Variants in HAL observed in about 807,000 individuals in gnomAD.
HAL encodes the protein histidase.
Under a neutral mutation model 81.1 loss-of-function variants are expected in HAL, and 85 were observed. The observed-to-expected ratio is 1.05, with a 90% CI of 0.88 to 1.25. HAL has a LOEUF of 1.25. HAL is among the 50% of genes most tolerant of loss of function. The pLI is 0.00. For missense variants in HAL, 798 were observed against 836.6 expected (o/e 0.95, Z 0.57); for synonymous variants, 301 against 309.2 (o/e 0.97, Z 0.28).
Position 95,987,452 on chromosome 12 carries a change from C to T in HAL, c.904-238G>A, listed in dbSNP as rs544322318. 8.9e-4 allele frequency among the ~76,000 whole-genome samples: 135 copies of T among 152,288 alleles called. 1 individual carries two copies. The highest frequency in any genetic ancestry group is 3.2e-3 in the African/African-American group (132 of 41,554). The stretch of plus-strand genomic sequence containing the variant: ...GGCAAATGAAACACTCATTAAGTAT[C>T]CACATTCCCAAAGCAGCAATGCAGC... On this transcript the variant is annotated intron_variant, in intron 11 of 20. Coordinates refer to ENST00000261208, the MANE Select transcript of HAL (RefSeq NM_002108.4).
chr12:95,980,561 G>A lies in HAL; in HGVS notation c.1514C>T (p.Ala505Val). 3 of 1,613,290 alleles carry A rather than the reference G, an allele frequency of 1.9e-6. No homozygotes were observed. Among genetic ancestry groups the A allele is most frequent in the Non-Finnish European group, 1.7e-6 (2 of 1,179,918 alleles). The part of the protein sequence containing the change: ...GFMIAHCTAA[A>V]LVSENKALCH... ...GAAAGGGGCAGTGTCCTTACCAAGG[G>A]CTGCTGCCGTGCAGTGAGCTATCAT... The change falls in exon 17 of 21, where the codon GCC (alanine) becomes GTC (valine). Residue 505 changes from alanine to valine, a missense_variant. By Grantham distance (64) the Ala-to-Val change is moderately conservative (BLOSUM62 0). Transcript: ENST00000261208.
At chr12:95,980,934 T>G (rs1162482501) in intron 15 of HAL, 71 bp from the exon 16 acceptor site, 2 of 897,644 alleles carry the variant, frequency 2.2e-6, no homozygotes, top group South Asian at 1.3e-5. Context: ...TCCTGCCTTC[T>G]TTTTTAACGT....
chr12:95,976,399 A>T, intron 20 of HAL, 30 bp downstream of exon 20: 1 of 1,576,576 alleles, frequency 6.3e-7, no homozygotes. Flanking sequence ...ACAATTAAAA[A>T]TTAAGAAACA....
intron 9 of HAL, among the ~76,000 whole-genome samples, chr12:95,991,610 C>T (rs559382855): frequency 6.6e-6 from 1 of 152,168 alleles, no homozygotes; most frequent in Non-Finnish European, 1.5e-5. Flanking sequence ...AATCAGATTC[C>T]TGACAGCAGC....
chr12:95,977,152 C>T (rs900723059), intron 18 of HAL, among the ~76,000 whole-genome samples: 4 of 152,142 alleles, frequency 2.6e-5, no homozygotes, highest in African/African-American at 4.8e-5. Flanking sequence ...CTTTACATCT[C>T]GTGGTTTCCA....
In HAL at chr12:95,973,481, G is replaced by A. The variant is rs2080678322; in HGVS notation, c.*751C>T. The A allele has an allele frequency of 6.6e-6, 1 of 152,176 alleles. No individual in the cohort carries two copies. Among genetic ancestry groups the A allele is most frequent in the South Asian group, 2.1e-4 (1 of 4,830 alleles). 9.4% of individuals were successfully genotyped at this position (152,176 alleles called of 1,614,324 possible). On this transcript the variant is annotated 3_prime_UTR_variant, in exon 21 of 21. Transcript: ENST00000261208. ...AATAGAGTACTAACACCAAGGAAGTGAAAATACTAACCTCAAACTCCCATG... is the reference window on the plus strand; with the variant it reads ...AATAGAGTACTAACACCAAGGAAGTAAAAATACTAACCTCAAACTCCCATG...
In HAL at chr12:95,972,703, C is replaced by T. The variant is rs143048517; in HGVS notation, c.*1529G>A. On this transcript the variant is annotated 3_prime_UTR_variant, in exon 21 of 21. Coordinates refer to ENST00000261208, the MANE Select transcript of HAL (RefSeq NM_002108.4). ...TTTATTCCATGTTTCCCTTGAAGTT[C>T]CCTTGAAGGCGTGTGCTGTCAGTTA... 1 of 152,288 alleles carries T rather than the reference C, an allele frequency of 6.6e-6. No individual in the cohort carries two copies. Among genetic ancestry groups the T allele is most frequent in the African/African-American group, 2.4e-5 (1 of 41,554 alleles). The allele number at this position is 152,288 out of a possible 1,614,324, so 9.4% of individuals were successfully genotyped here.
intron 15 of HAL, among the ~76,000 whole-genome samples, chr12:95,982,244 C>G (rs191171378): frequency 6.6e-6 from 1 of 152,302 alleles, no homozygotes; most frequent in East Asian, 1.9e-4. Context: ...TTTCAGGTAA[C>G]AGCAGTATTG....
In HAL at chr12:95,992,868, G is replaced by GCCCTCCCC. The variant is rs1555240416; in HGVS notation, c.590-64_590-63insGGGGAGGG. Reference sequence around the variant, plus strand: ...AACTCCTTTTTGTCTCCTGACAATTGCCCTCCCTCCCTCCAATCTTTCCCA... The same window carrying GCCCTCCCC: ...AACTCCTTTTTGTCTCCTGACAATTGCCCTCCCCCCCTCCCTCCCTCCAATCTTTCCCA... On this transcript the variant is annotated intron_variant, in intron 8 of 20. Coordinates refer to ENST00000261208, the MANE Select transcript of HAL (RefSeq NM_002108.4). The GCCCTCCCC allele has an allele frequency of 6.1e-6, 8 of 1,318,268 alleles. No homozygotes were observed. In the African/African-American group the frequency reaches 7.7e-5, roughly 13 times the overall value. 81.7% of individuals were successfully genotyped at this position (1,318,268 alleles called of 1,614,324 possible).
In HAL at chr12:95,992,728, T is replaced by C. The variant is rs866243341; in HGVS notation, c.667A>G (p.Ser223Gly). ...TTGAGGGTCTCCAGGGAAATGCCAC[T>C]GTATCCTTTGGCTAAGACATTGATC... The part of the protein sequence containing the change: ...LRINVLAKGY[S>G]GISLETLKQV... Residue 223 changes from serine (S) to glycine (G), a missense_variant, in exon 9 of 21, where the codon AGT (serine) becomes GGT (glycine). By Grantham distance (56) the Ser-to-Gly change is moderately conservative (BLOSUM62 0). Coordinates refer to ENST00000261208, the MANE Select transcript of HAL (RefSeq NM_002108.4). 5 of 1,612,418 alleles carry C rather than the reference T, an allele frequency of 3.1e-6. No individual in the cohort carries two copies. The African/African-American group carries it at 5.3e-5, about 17-fold the overall frequency.
intron 10 of HAL, 115 bp downstream of exon 10, chr12:95,990,278 T>G: frequency 3.5e-6 from 3 of 849,028 alleles, no homozygotes; most frequent in Non-Finnish European, 4.1e-6. Flanking sequence ...AAAGTAAGGA[T>G]AGTAGGAGCT....
chr12:95,985,716 CTT>C (rs1365977589), intron 14 of HAL, among the ~76,000 whole-genome samples, 190 bp downstream of exon 14: 1 of 147,138 alleles, frequency 6.8e-6, no homozygotes, highest in Non-Finnish European at 1.5e-5. Flanking sequence ...AGAATAGAAA[CTT>C]TACAACAATT....
intron 17 of HAL, 81 bp downstream of exon 17, chr12:95,980,475 C>A: frequency 1.5e-6 from 2 of 1,345,556 alleles, no homozygotes; most frequent in Non-Finnish European, 1.1e-6. Flanking sequence ...CACTCACAGA[C>A]CACATTTGAT....
At chr12:95,983,291 G>A (rs752490437) in intron 15 of HAL, among the ~76,000 whole-genome samples, 12 of 152,112 alleles carry the variant, frequency 7.9e-5, no homozygotes, top group Non-Finnish European at 1.5e-4. Context: ...AGGAGGCTGA[G>A]GCAGGAGAAT....
chr12:95,981,680 G>A (rs149408855), intron 15 of HAL, among the ~76,000 whole-genome samples: 5,238 of 152,260 alleles, frequency 0.034, 117 homozygotes, highest in Non-Finnish European at 0.047. Context: ...GGCTGGTCTT[G>A]GACTCTTGGC....
chr12:95,982,004 T>G (rs1172487652), intron 15 of HAL, among the ~76,000 whole-genome samples: 1 of 152,260 alleles, frequency 6.6e-6, no homozygotes, highest in Non-Finnish European at 1.5e-5. Flanking sequence ...TGTGTAACTG[T>G]GAGCCCATTG....
At chr12:95,994,251 C>G (rs1368283950) in intron 4 of HAL, 87 bp from the exon 5 acceptor site, 4 of 868,658 alleles carry the variant, frequency 4.6e-6, no homozygotes, top group African/African-American at 1.6e-5. Context: ...ACCAAACTGA[C>G]ATTTCAGAGA....
rs1320502100 is a variant in HAL at position 95,994,100 on chromosome 12, T to C, written c.401A>G (p.Tyr134Cys). Residue 134 changes from tyrosine (Y) to cysteine (C), a missense_variant, in exon 5 of 21, where the codon TAC (tyrosine) becomes TGC (cysteine). Tyr to Cys is a radical substitution (Grantham distance 194, BLOSUM62 -2). Transcript: ENST00000261208. ...CCTCCCTCCCCATACCTTTATTTTG[T>C]AGCGTCCCTTTCCCAAGTTGACCAG... ...EDLVNLGKGR[Y>C]KIKLTPTAEK... The C allele has an allele frequency of 1.2e-6, 2 of 1,612,932 alleles. No homozygotes were observed. Among genetic ancestry groups the C allele is most frequent in the African/African-American group, 2.7e-5 (2 of 74,894 alleles).
Position 95,990,427 on chromosome 12 carries a change from C to A in HAL, c.821G>T (p.Trp274Leu). The A allele has an allele frequency of 6.2e-7, 1 of 1,613,248 alleles. No homozygotes were observed. The highest frequency in any genetic ancestry group is 8.5e-7 in the Non-Finnish European group (1 of 1,179,190). Residue 274 changes from tryptophan to leucine, a missense_variant, in exon 10 of 21, where the codon TGG (tryptophan) becomes TTG (leucine). Trp to Leu is a moderately conservative substitution (Grantham distance 61). Transcript: ENST00000261208. Reference protein sequence around the residue: ...ALGLVGEGKMWSPKSGWADAK... With the variant: ...ALGLVGEGKMLSPKSGWADAK... ...ATCAGCCCAGCCACTCTTCGGAGAC[C>A]ACATCTTCCCTTCTCCAACTAGCCC...
Sources: allele counts gnomAD v4.1 joint callset (sites outside exome capture counted in the v4.1 genomes callset), GRCh38; gene constraint gnomAD v4.1.1; transcripts MANE v1.5; gene names NCBI Gene and HGNC (gene_info 2026-07-23, HGNC 2026-07-21).